Variants in RGS12 observed in about 807,000 individuals in gnomAD.
RGS12 encodes the protein regulator of G protein signaling 12, also known as regulator of G-protein signaling 12.
RGS12 carries 66 observed loss-of-function variants against 120.1 expected under a neutral mutation model. The observed-to-expected ratio is 0.55, with a 90% CI of 0.45 to 0.67. The LOEUF is 0.67. Among genes scored for constraint, RGS12 ranks in the 30% least tolerant of loss-of-function variants. RGS12 has a pLI of 0.00. For missense variants in RGS12, 1,859 were observed against 1,957.7 expected, an observed-to-expected ratio of 0.95 and a Z score of 0.95; for synonymous variants, 827 against 804.7, an observed-to-expected ratio of 1.03 and a Z score of -0.47.
chr4:3,379,865 A>G (rs1463563704), intron 3 of RGS12, among the ~76,000 whole-genome samples: 3 of 152,204 alleles, frequency 2.0e-5, no homozygotes, highest in Non-Finnish European at 4.4e-5. Flanking sequence ...GGGTGGTGAC[A>G]TAGCGAAACT....
Position 3,298,621 on chromosome 4 carries a change from G to A in RGS12, c.-102+5522G>A, listed in dbSNP as rs574209932. ...GCTGCGTTGCTCCTTTATGTTATATGATGAGGTGCTTTCAAGCTCCTCCTG... is the reference window on the plus strand; with the variant it reads ...GCTGCGTTGCTCCTTTATGTTATATAATGAGGTGCTTTCAAGCTCCTCCTG... On this transcript the variant is annotated intron_variant, in intron 1 of 17. Transcript: ENST00000336727. Among the ~76,000 whole-genome samples the A allele has an allele frequency of 3.3e-5, 5 of 152,306 alleles. No individual in the cohort carries two copies. The East Asian group carries it at 9.6e-4, about 29-fold the overall frequency.
intron 12 of RGS12, among the ~76,000 whole-genome samples, 198 bp downstream of exon 12, chr4:3,423,176 C>T (rs970591825): frequency 8.5e-5 from 13 of 152,184 alleles, no homozygotes; most frequent in Non-Finnish European, 5.9e-5. Flanking sequence ...GCGCCCTCTC[C>T]TCCCTGTCCC....
At chr4:3,355,651 C>T (rs1033695937) in intron 3 of RGS12, among the ~76,000 whole-genome samples, 8 of 151,730 alleles carry the variant, frequency 5.3e-5, no homozygotes, top group African/African-American at 1.7e-4. Context: ...AAAAGTTAGC[C>T]GGGTATGGTG....
At chr4:3,419,921 TC>T (rs901540663) in intron 9 of RGS12, among the ~76,000 whole-genome samples, 1 of 152,092 alleles carries the variant, frequency 6.6e-6, no homozygotes, top group African/African-American at 2.4e-5. Context: ...GGGCATCTGT[TC>T]CTGTGGAAGG....
At chr4:3,432,869 G>A (rs1318365910) in intron 17 of RGS12, among the ~76,000 whole-genome samples, 1 of 152,220 alleles carries the variant, frequency 6.6e-6, no homozygotes, top group Admixed American at 6.5e-5. Context: ...GCCATAGGTC[G>A]TAGGTGTGTG....
chr4:3,353,204 G>A (rs1578798252), intron 3 of RGS12, among the ~76,000 whole-genome samples: 2 of 152,342 alleles, frequency 1.3e-5, no homozygotes, highest in African/African-American at 4.8e-5. Flanking sequence ...TGGAGGGTGG[G>A]AGGGTTAACG....
At chr4:3,356,050 ATT>A (rs35966486) in intron 3 of RGS12, among the ~76,000 whole-genome samples, 4,133 of 123,378 alleles carry the variant, frequency 0.033, 180 homozygotes, top group African/African-American at 0.11. Context: ...ATCTTTTTCA[ATT>A]TTTTTTTTTT....
At chr4:3,325,402 C>A (rs1268304460) in intron 2 of RGS12, among the ~76,000 whole-genome samples, 2 of 152,028 alleles carry the variant, frequency 1.3e-5, no homozygotes, top group Non-Finnish European at 2.9e-5. Context: ...GAGGTGAGGC[C>A]TTTAAGAGGT....
At position 3,433,379 on chromosome 4, in the gene RGS12, TA is replaced by T. The variant is rs1339921665; in HGVS notation, c.4114+2425del. Among the ~76,000 whole-genome samples, 2 of 152,126 alleles carry T rather than the reference TA, an allele frequency of 1.3e-5. No individual in the cohort carries two copies. The highest frequency in any genetic ancestry group is 4.8e-5 in the African/African-American group (2 of 41,430). On this transcript the variant is annotated intron_variant, in intron 17 of 17. Transcript: ENST00000336727. This position sits in a 1 kb window ranked among gnomAD's most constrained non-coding sequence, Gnocchi z 4.4. ...GGGGCTGCCAGCAACAGCCTTGAGG[TA>T]GGGGGAGTCTCCACAGAGCTGTGCC...
chr4:3,395,571 G>C (rs1719970116), intron 4 of RGS12, among the ~76,000 whole-genome samples: 1 of 152,144 alleles, frequency 6.6e-6, no homozygotes, highest in Admixed American at 6.6e-5. Flanking sequence ...CAGTATATAA[G>C]AATTCTAGGT....
At chr4:3,295,388 A>G (rs527413567) in intron 1 of RGS12, among the ~76,000 whole-genome samples, 12 of 152,260 alleles carry the variant, frequency 7.9e-5, no homozygotes, top group Middle Eastern at 3.4e-3. Context: ...GGCTGGGTGC[A>G]GTGACTTAAC....
chr4:3,400,664 GTATTAC>G (rs979593417), intron 4 of RGS12, among the ~76,000 whole-genome samples: 3 of 148,162 alleles, frequency 2.0e-5, no homozygotes, highest in African/African-American at 7.4e-5. Context: ...CTACTAGCTA[GTATTAC>G]TATTAGAATT....
chr4:3,408,132 C>G (rs1346423880), intron 4 of RGS12, among the ~76,000 whole-genome samples: 1 of 152,216 alleles, frequency 6.6e-6, no homozygotes, highest in East Asian at 1.9e-4. Flanking sequence ...AGGCAAGCCA[C>G]TGCAAGCAGG....
intron 2 of RGS12, among the ~76,000 whole-genome samples, chr4:3,332,439 A>T (rs1711963615): frequency 6.6e-6 from 1 of 152,204 alleles, no homozygotes. Flanking sequence ...GTGTGAATCT[A>T]CTGCTACATA....
At chr4:3,324,469 A>C (rs1725428300) in intron 2 of RGS12, 3 of 235,766 alleles carry the variant, frequency 1.3e-5, no homozygotes, top group African/African-American at 4.7e-5. Context: ...TCTGGTTGGT[A>C]CTGTGGGCCA....
At chr4:3,341,948 G>T (rs571734958) in intron 2 of RGS12, among the ~76,000 whole-genome samples, 26 of 151,400 alleles carry the variant, frequency 1.7e-4, no homozygotes, top group Admixed American at 1.4e-3. Flanking sequence ...GCAGCGCAGT[G>T]CAGGGAGACC....
chr4:3,415,388 A>C (rs1722270646), intron 6 of RGS12, among the ~76,000 whole-genome samples: 1 of 152,226 alleles, frequency 6.6e-6, no homozygotes, highest in South Asian at 2.1e-4. Context: ...TAACGCCCTC[A>C]GCCACAGCTT....
chr4:3,316,823 A>G lies in RGS12; in HGVS notation c.653A>G (p.Asp218Gly), dbSNP rs1724798843. The G allele has an allele frequency of 5.6e-6, 9 of 1,614,056 alleles. No individual in the cohort carries two copies. Among genetic ancestry groups the G allele is most frequent in the Non-Finnish European group, 6.8e-6 (8 of 1,179,998 alleles). ...VFSIGLESHD[D>G]FALDASILNV... ...AGCATTGGACTAGAAAGTCATGACG[A>G]TTTTGCATTGGATGCAAGTATTTTA... The change falls in exon 2 of 18, where the codon GAT becomes GGT. Residue 218 changes from aspartate to glycine, a missense_variant. Transcript: ENST00000336727.
In RGS12 at chr4:3,389,853, C is replaced by T. The variant is rs1031756537; in HGVS notation, c.2020+3416C>T. On this transcript the variant is annotated intron_variant, in intron 4 of 17. Coordinates refer to ENST00000336727, the MANE Select transcript of RGS12 (RefSeq NM_001394154.1). This position sits in a 1 kb window ranked among gnomAD's most constrained non-coding sequence, Gnocchi z 5.2. ...TGCTCCAGCTGCTTCTCAAACACTC[C>T]GTTCTCGCAGCCTCACCCTGGGGAC... Among the ~76,000 whole-genome samples, 19 of 152,188 alleles carry T rather than the reference C, an allele frequency of 1.2e-4. No individual in the cohort carries two copies. The highest frequency in any genetic ancestry group is 3.9e-4 in the African/African-American group (16 of 41,426).
Sources: allele counts gnomAD v4.1 joint callset (sites outside exome capture counted in the v4.1 genomes callset), GRCh38; gene constraint gnomAD v4.1.1; non-coding constraint Gnocchi (gnomAD v3.1); transcripts MANE v1.5; gene names NCBI Gene and HGNC (gene_info 2026-07-23, HGNC 2026-07-21).